The following BCKDHB variants were observed in gnomAD, a reference collection of about 807,000 sequenced individuals.
The protein encoded by BCKDHB is 2-oxoisovalerate dehydrogenase subunit beta, mitochondrial.
Under a neutral mutation model 48.5 loss-of-function variants are expected in BCKDHB, and 41 were observed. The observed-to-expected ratio is 0.85, with a 90% CI of 0.66 to 1.10. BCKDHB has a LOEUF of 1.10. BCKDHB is among the 50% of genes least tolerant of loss of function. The pLI is 0.00. For synonymous variants in BCKDHB, 201 were observed against 174.8 expected (o/e 1.15, Z -1.18); for missense variants, 496 against 494.2 (o/e 1.00, Z -0.03).
intron 6 of BCKDHB, among the ~76,000 whole-genome samples, chr6:80,183,616 C>T (rs764147542): frequency 2.6e-5 from 4 of 152,112 alleles, no homozygotes; most frequent in Non-Finnish European, 5.9e-5. Context: ...ACTCAAAGTC[C>T]ATGGTTTACA....
chr6:80,234,241 T>A (rs1776052845), intron 8 of BCKDHB, among the ~76,000 whole-genome samples: 1 of 152,146 alleles, frequency 6.6e-6, no homozygotes, highest in South Asian at 2.1e-4. Flanking sequence ...ATAATGGATG[T>A]AGTATCAGTC....
chr6:80,379,753 G>A, the BCKDHB span, among the ~76,000 whole-genome samples: 26 of 103,122 alleles, frequency 2.5e-4, no homozygotes, highest in Admixed American at 1.6e-3. Context: ...TAAAGTCTCC[G>A]GATACGAAAT....
chr6:80,289,618 C>T (rs930203194), intron 9 of BCKDHB, among the ~76,000 whole-genome samples: 2 of 152,064 alleles, frequency 1.3e-5, no homozygotes, highest in African/African-American at 4.8e-5. Flanking sequence ...GTTCCCAGCC[C>T]CGAATGGCTC....
At chr6:80,385,996 G>A in the BCKDHB span, among the ~76,000 whole-genome samples, 2 of 152,174 alleles carry the variant, frequency 1.3e-5, no homozygotes, top group East Asian at 3.9e-4. Context: ...CGGATTAAAA[G>A]ATGGCCCACT....
At chr6:80,109,960 T>C (rs554446381) in intron 1 of BCKDHB, among the ~76,000 whole-genome samples, 2 of 152,338 alleles carry the variant, frequency 1.3e-5, no homozygotes, top group South Asian at 2.1e-4. Context: ...ACACTACTTA[T>C]ATACTAAGAT....
intron 1 of BCKDHB, among the ~76,000 whole-genome samples, chr6:80,114,673 G>GT (rs1183878929): frequency 6.6e-6 from 1 of 152,184 alleles, no homozygotes; most frequent in Non-Finnish European, 1.5e-5. Context: ...TGGGTGGAGG[G>GT]TAGTGCCGTT....
the BCKDHB span, among the ~76,000 whole-genome samples, chr6:80,399,742 C>T: frequency 6.6e-6 from 1 of 152,190 alleles, no homozygotes; most frequent in South Asian, 2.1e-4. Flanking sequence ...CCAGAAAAAA[C>T]TATTTTAAAA....
the BCKDHB span, among the ~76,000 whole-genome samples, chr6:80,388,591 G>A: frequency 2.0e-5 from 3 of 152,110 alleles, no homozygotes; most frequent in Non-Finnish European, 2.9e-5. Flanking sequence ...TAGTATATAC[G>A]TGGCTGGGGT....
chr6:80,429,959 G>A, the BCKDHB span, among the ~76,000 whole-genome samples: 1 of 152,238 alleles, frequency 6.6e-6, no homozygotes. Context: ...CAAAGGGAAT[G>A]CTTCCAGTTT....
At chr6:80,391,244 T>C in the BCKDHB span, among the ~76,000 whole-genome samples, 2 of 151,738 alleles carry the variant, frequency 1.3e-5, no homozygotes, top group Non-Finnish European at 2.9e-5. Flanking sequence ...ACAGATGGTG[T>C]AGTGGGTTGA....
chr6:80,373,082 A>G, the BCKDHB span, among the ~76,000 whole-genome samples: 79,457 of 151,678 alleles, frequency 0.52, 21,256 homozygotes, highest in Non-Finnish European at 0.59. Flanking sequence ...TGGTCCTGGA[A>G]TTTTTTTTGT....
At chr6:80,328,991 T>C (rs1018614832) in intron 9 of BCKDHB, among the ~76,000 whole-genome samples, 5 of 152,104 alleles carry the variant, frequency 3.3e-5, no homozygotes, top group African/African-American at 7.2e-5. Context: ...TACATAATCA[T>C]TTAAAAAATA....
intron 6 of BCKDHB, among the ~76,000 whole-genome samples, chr6:80,175,215 G>A (rs1773093806): frequency 6.6e-6 from 1 of 152,080 alleles, no homozygotes. Flanking sequence ...GGAGGAGGAG[G>A]AAAGGAAGGT....
At chr6:80,360,702 T>C in the BCKDHB span, among the ~76,000 whole-genome samples, 1 of 152,014 alleles carries the variant, frequency 6.6e-6, no homozygotes, top group African/African-American at 2.4e-5. Context: ...CAGCAAGAAC[T>C]CTAGGACTTA....
At chr6:80,277,587 T>C (rs1778017222) in intron 9 of BCKDHB, among the ~76,000 whole-genome samples, 1 of 151,974 alleles carries the variant, frequency 6.6e-6, no homozygotes, top group Non-Finnish European at 1.5e-5. Flanking sequence ...ATTGTTTATT[T>C]CTCCTGCTTT....
chr6:80,306,341 A>G (rs571309341), intron 9 of BCKDHB, among the ~76,000 whole-genome samples: 22 of 152,202 alleles, frequency 1.4e-4, no homozygotes, highest in Non-Finnish European at 1.5e-4. Flanking sequence ...AGGAGGTCAA[A>G]TAACTATCAG....
Position 80,309,579 on chromosome 6 carries a change from T to G in BCKDHB, c.1039-34085T>G, listed in dbSNP as rs183608620. 3.8e-3 allele frequency among the ~76,000 whole-genome samples: 571 copies of G among 151,970 alleles called. 6 individuals carry two copies. Among genetic ancestry groups the G allele is most frequent in the African/African-American group, 0.013 (525 of 41,390 alleles). On this transcript the variant is annotated intron_variant, in intron 9 of 9. Coordinates refer to ENST00000320393, the MANE Select transcript of BCKDHB (RefSeq NM_183050.4). ...AGTATTCATGTATTTTGGCCTGTGG[T>G]TTTTTTTGTTTGTTTGTTTGTTTGT...
At chr6:80,146,058 A>T (rs574135510) in intron 3 of BCKDHB, among the ~76,000 whole-genome samples, 1 of 152,072 alleles carries the variant, frequency 6.6e-6, no homozygotes, top group Non-Finnish European at 1.5e-5. Flanking sequence ...CTGCTTCCCT[A>T]CCTTGCCCAT....
intron 8 of BCKDHB, among the ~76,000 whole-genome samples, chr6:80,256,514 T>G: frequency 6.6e-6 from 1 of 152,238 alleles, no homozygotes; most frequent in South Asian, 2.1e-4. Flanking sequence ...TGTGGTCCAC[T>G]GTTGACCAAA....
Sources: allele counts gnomAD v4.1 joint callset (sites outside exome capture counted in the v4.1 genomes callset), GRCh38; gene constraint gnomAD v4.1.1; transcripts MANE v1.5; gene names NCBI Gene and HGNC (gene_info 2026-07-23, HGNC 2026-07-21).